The following DYNC2H1 variants were observed in gnomAD, a reference collection of about 807,000 sequenced individuals.
The protein encoded by DYNC2H1 is dynein cytoplasmic 2 heavy chain 1.
DYNC2H1 carries 410 observed loss-of-function variants against 570.0 expected under a neutral mutation model. That is an observed-to-expected ratio of 0.72 (90% confidence interval 0.66 to 0.78). The LOEUF is 0.78. Among genes scored for constraint, DYNC2H1 ranks in the 30% least tolerant of loss-of-function variants. DYNC2H1 has a pLI of 0.00. For synonymous variants in DYNC2H1, 1,688 were observed against 1,677.6 expected (o/e 1.01, Z -0.15); for missense variants, 4,865 against 5,046.4 (o/e 0.96, Z 1.09).
intron 63 of DYNC2H1, among the ~76,000 whole-genome samples, chr11:103,240,718 T>C (rs1864394530): frequency 6.6e-6 from 1 of 152,162 alleles, no homozygotes; most frequent in South Asian, 2.1e-4. Context: ...ACCAGCTGGT[T>C]CCTTGTCTCC....
intron 83 of DYNC2H1, among the ~76,000 whole-genome samples, chr11:103,389,876 T>A (rs1327891643): frequency 6.6e-6 from 1 of 152,174 alleles, no homozygotes. Context: ...TTGTTATAAT[T>A]TCTGTTCTTT....
At chr11:103,463,750 G>T (rs60614960) in intron 87 of DYNC2H1, among the ~76,000 whole-genome samples, 24,807 of 152,056 alleles carry the variant, frequency 0.16, 2,188 homozygotes, top group Admixed American at 0.25. Flanking sequence ...AGACCCTGCC[G>T]CAAATAACCA....
At position 103,183,213 on chromosome 11, in the gene DYNC2H1, T is replaced by A. The variant is rs550959494; in HGVS notation, c.6477+1327T>A. ...AATTATATACCTGATGCCTACATTG[T>A]GACACCTTTTCAGTAGATATGTTAT... On this transcript the variant is annotated intron_variant, in intron 40 of 88. Coordinates refer to ENST00000375735, the MANE Select transcript of DYNC2H1 (RefSeq NM_001377.3). Among the ~76,000 whole-genome samples the A allele has an allele frequency of 9.3e-4, 142 of 152,090 alleles. 1 individual carries two copies. The highest frequency in any genetic ancestry group is 3.3e-3 in the African/African-American group (138 of 41,564).
chr11:103,171,145 T>C, intron 34 of DYNC2H1, 77 bp downstream of exon 34: 1 of 1,170,354 alleles, frequency 8.5e-7, no homozygotes, highest in Non-Finnish European at 1.1e-6. Context: ...AGCAATATTC[T>C]CTTTTTATTT....
chr11:103,245,432 T>G lies in DYNC2H1; in HGVS notation c.10042+58T>G, dbSNP rs1191137862. 1 of 1,502,924 alleles carries G rather than the reference T, an allele frequency of 6.7e-7. No individual in the cohort carries two copies. Among genetic ancestry groups the G allele is most frequent in the Admixed American group, 2.3e-5 (1 of 43,424 alleles). 93.1% of individuals were successfully genotyped at this position (1,502,924 alleles called of 1,614,324 possible). On this transcript the variant is annotated intron_variant, in intron 65 of 88. Coordinates refer to ENST00000375735, the MANE Select transcript of DYNC2H1 (RefSeq NM_001377.3). The surrounding 1 kb of genome is among the most constrained non-coding windows in gnomAD (Gnocchi z 4.5). ...TTTTTAAAATTTCCAAAGTAAGTAA[T>G]TAAACCAGGTGCAAGCTTTCAAGAG...
At chr11:103,282,962 T>C (rs1179756334) in intron 72 of DYNC2H1, 46 bp from the exon 73 acceptor site, 4 of 1,443,608 alleles carry the variant, frequency 2.8e-6, no homozygotes, top group South Asian at 1.3e-5. Flanking sequence ...TTTTAAACTC[T>C]GAATTTTACC....
intron 85 of DYNC2H1, among the ~76,000 whole-genome samples, chr11:103,454,716 T>C (rs1944726601): frequency 6.6e-6 from 1 of 152,198 alleles, no homozygotes; most frequent in East Asian, 1.9e-4. Flanking sequence ...AGTTGATTAT[T>C]TAAAAACACC....
intron 24 of DYNC2H1, 82 bp from the exon 25 acceptor site, chr11:103,155,249 T>TA: frequency 7.3e-7 from 1 of 1,360,722 alleles, no homozygotes; most frequent in Non-Finnish European, 9.8e-7. Flanking sequence ...CTAATAAGCA[T>TA]AAAAGTAAAT....
chr11:103,273,883 G>A (rs1865805103), intron 70 of DYNC2H1, among the ~76,000 whole-genome samples: 1 of 152,006 alleles, frequency 6.6e-6, no homozygotes, highest in Non-Finnish European at 1.5e-5. Flanking sequence ...ACAGGAGAAG[G>A]GTAACCACCA....
rs1047352588 is a variant in DYNC2H1, at chr11:103,465,989, A to G, written c.12649-2600A>G. Among the ~76,000 whole-genome samples the G allele has an allele frequency of 4.6e-5, 7 of 152,198 alleles. No individual in the cohort carries two copies. Among genetic ancestry groups the G allele is most frequent in the African/African-American group, 1.2e-4 (5 of 41,456 alleles). On this transcript the variant is annotated intron_variant, in intron 87 of 88. Coordinates refer to ENST00000375735, the MANE Select transcript of DYNC2H1 (RefSeq NM_001377.3). The surrounding 1 kb of genome is among the most constrained non-coding windows in gnomAD (Gnocchi z 4.9). ...GCAAAGGGGTGCATATTAGGAGGAG[A>G]GGAATGTTTGACCATATTTTTCACT...
chr11:103,267,594 A>G (rs1865560678), intron 70 of DYNC2H1, among the ~76,000 whole-genome samples: 1 of 151,964 alleles, frequency 6.6e-6, no homozygotes, highest in African/African-American at 2.4e-5. Context: ...AATATTGTAT[A>G]ATGTATTATC....
chr11:103,388,212 C>G (rs1203428887), intron 83 of DYNC2H1, among the ~76,000 whole-genome samples: 2 of 83,090 alleles, frequency 2.4e-5, no homozygotes, highest in Non-Finnish European at 5.6e-5. Flanking sequence ...TTGAAGAGGT[C>G]CTTCACATCC....
chr11:103,116,520 C>T (rs1858403655), intron 4 of DYNC2H1, 50 bp from the exon 5 acceptor site: 3 of 1,422,526 alleles, frequency 2.1e-6, no homozygotes, highest in South Asian at 3.1e-5. Context: ...GATTATATTA[C>T]CCAAGGTACA....
intron 75 of DYNC2H1, among the ~76,000 whole-genome samples, chr11:103,288,261 G>A (rs1866431396): frequency 6.6e-6 from 1 of 151,986 alleles, no homozygotes; most frequent in Non-Finnish European, 1.5e-5. Flanking sequence ...TTGAAAAAGG[G>A]CTGTTATGAA....
chr11:103,188,469 C>T lies in DYNC2H1; in HGVS notation c.7141-28C>T, dbSNP rs759770914. 4.1e-6 allele frequency: 6 copies of T among 1,469,518 alleles called. No homozygotes were observed. In the African/African-American group the frequency reaches 4.2e-5, roughly 10 times the overall value. The allele number at this position is 1,469,518 out of a possible 1,614,324, so 91.0% of individuals were successfully genotyped here. A position where few individuals can be genotyped will look rare whatever the true frequency, so the allele number is the denominator to read the frequency against. ...TGATTAGGAAATCTTAGATAAAAAA[C>T]GTTTAAAATATATTTATTTTCAAAT... On this transcript the variant is annotated intron_variant, in intron 43 of 88. Coordinates refer to ENST00000375735, the MANE Select transcript of DYNC2H1 (RefSeq NM_001377.3).
rs968124718 is a variant in DYNC2H1 at position 103,395,574 on chromosome 11, C to T, written c.12157-4089C>T. Among the ~76,000 whole-genome samples the T allele has an allele frequency of 6.6e-5, 10 of 151,964 alleles. No individual in the cohort carries two copies. Among genetic ancestry groups the T allele is most frequent in the Admixed American group, 1.3e-4 (2 of 15,244 alleles). ...TCTCTTTATTATCACAGAATTATTG[C>T]AGCTATTCTCTAATTTATGATCCCT... On this transcript the variant is annotated intron_variant, in intron 83 of 88. Coordinates refer to ENST00000375735, the MANE Select transcript of DYNC2H1 (RefSeq NM_001377.3). This position sits in a 1 kb window ranked among gnomAD's most constrained non-coding sequence, Gnocchi z 4.3.
intron 70 of DYNC2H1, among the ~76,000 whole-genome samples, chr11:103,265,527 G>T (rs547080951): frequency 1.3e-5 from 2 of 152,216 alleles, no homozygotes; most frequent in South Asian, 2.1e-4. Context: ...TCTCTATACC[G>T]ACTAGGTTGT....
intron 82 of DYNC2H1, among the ~76,000 whole-genome samples, chr11:103,342,928 T>C (rs1374423152): frequency 6.6e-6 from 1 of 152,106 alleles, no homozygotes; most frequent in Non-Finnish European, 1.5e-5. Context: ...TGGTGAGTAC[T>C]ATGGGACCCC....
chr11:103,408,669 GTCC>G (rs1289413063), intron 84 of DYNC2H1, among the ~76,000 whole-genome samples: 6 of 152,182 alleles, frequency 3.9e-5, no homozygotes, highest in African/African-American at 1.4e-4. Flanking sequence ...ACATTAGGAT[GTCC>G]TGATCCAACA....
Sources: gnomAD v4.1 joint callset for allele counts (sites outside exome capture counted in the v4.1 genomes callset) on GRCh38, gnomAD v4.1.1 for gene constraint, Gnocchi (gnomAD v3.1) non-coding constraint, MANE v1.5 for transcripts, NCBI Gene and HGNC (gene_info 2026-07-23, HGNC 2026-07-21) for gene names.